Variants in RBFOX1 observed in about 807,000 individuals in gnomAD.
RBFOX1 encodes RNA binding protein fox-1 homolog 1.
A neutral mutation model predicts 57.7 loss-of-function variants in RBFOX1; 8 were observed. That is an observed-to-expected ratio of 0.14 (90% confidence interval 0.08 to 0.25). RBFOX1 has a LOEUF of 0.25. Among genes scored for constraint, RBFOX1 ranks in the 10% least tolerant of loss-of-function variants. The pLI, the probability that RBFOX1 is intolerant of heterozygous loss-of-function variation, is 1.00. For missense variants in RBFOX1, 611 were observed against 548.5 expected, an observed-to-expected ratio of 1.11 and a Z score of -1.14; for synonymous variants, 326 against 222.4, an observed-to-expected ratio of 1.47 and a Z score of -4.15.
chr16:6,675,978 G>A (rs943665436), intron 3 of RBFOX1, among the ~76,000 whole-genome samples: 2 of 152,084 alleles, frequency 1.3e-5, no homozygotes, highest in East Asian at 1.9e-4. Context: ...TCAGCTTTAC[G>A]TGGACACCAA....
At chr16:6,702,152 C>G (rs999457728) in intron 3 of RBFOX1, among the ~76,000 whole-genome samples, 6 of 152,172 alleles carry the variant, frequency 3.9e-5, no homozygotes, top group African/African-American at 9.7e-5. Context: ...AGGGACGGAA[C>G]CAAGCCGTTC....
intron 4 of RBFOX1, among the ~76,000 whole-genome samples, chr16:5,983,126 C>A (rs527743874): frequency 6.6e-6 from 1 of 152,314 alleles, no homozygotes; most frequent in East Asian, 1.9e-4. Context: ...CCAATTAACT[C>A]CCTGCATTCT....
intron 3 of RBFOX1, among the ~76,000 whole-genome samples, chr16:6,859,119 A>ATATATATATATATATATATATATATG (rs2058442693): frequency 2.4e-5 from 2 of 82,176 alleles, no homozygotes; most frequent in African/African-American, 8.6e-5. Context: ...GTGTATATAT[A>ATATATATATATATATATATATATATG]TATATATATA....
chr16:6,170,816 C>T (rs371738094), intron 1 of RBFOX1, among the ~76,000 whole-genome samples: 62 of 152,152 alleles, frequency 4.1e-4, no homozygotes, highest in African/African-American at 1.4e-3. Context: ...TCTTTAGTAC[C>T]GTTTATTAGT....
At chr16:5,566,307 G>A (rs2046064801) in intron 2 of RBFOX1, among the ~76,000 whole-genome samples, 3 of 152,022 alleles carry the variant, frequency 2.0e-5, no homozygotes, top group Admixed American at 2.0e-4. Context: ...GCACTGTAAC[G>A]GCATTCCACT....
chr16:6,807,619 C>A (rs1369071036), intron 3 of RBFOX1, among the ~76,000 whole-genome samples: 1 of 151,996 alleles, frequency 6.6e-6, no homozygotes, highest in Non-Finnish European at 1.5e-5. Flanking sequence ...AGATTGAGAC[C>A]AGCCTGGCGA....
chr16:6,727,701 A>C (rs574759545), intron 3 of RBFOX1, among the ~76,000 whole-genome samples: 1 of 152,122 alleles, frequency 6.6e-6, no homozygotes, highest in Non-Finnish European at 1.5e-5. Context: ...TCCCTGGTAC[A>C]CCTATCAAAT....
intron 3 of RBFOX1, among the ~76,000 whole-genome samples, chr16:6,679,451 T>C (rs1158658594): frequency 6.6e-6 from 1 of 152,156 alleles, no homozygotes; most frequent in African/African-American, 2.4e-5. Context: ...TTTCTTGGTC[T>C]CACTTTCCTT....
chr16:6,610,891 C>T (rs889894885), intron 2 of RBFOX1, among the ~76,000 whole-genome samples: 9 of 152,176 alleles, frequency 5.9e-5, no homozygotes, highest in African/African-American at 2.2e-4. Context: ...TTTGATATGC[C>T]TGTTCCACTG....
chr16:7,389,692 A>C (rs889976854), intron 4 of RBFOX1, among the ~76,000 whole-genome samples: 21 of 152,224 alleles, frequency 1.4e-4, no homozygotes, highest in Non-Finnish European at 2.5e-4. Flanking sequence ...TGGAGTTTAC[A>C]GTATGTACAA....
chr16:5,517,803 T>G (rs1020165078), intron 2 of RBFOX1, among the ~76,000 whole-genome samples: 1 of 152,182 alleles, frequency 6.6e-6, no homozygotes, highest in African/African-American at 2.4e-5. Context: ...GTGCTGGATA[T>G]ATGGTGTAGA....
chr16:7,554,635 C>T (rs1438168520), intron 5 of RBFOX1, among the ~76,000 whole-genome samples: 4 of 152,022 alleles, frequency 2.6e-5, no homozygotes, highest in African/African-American at 9.7e-5. Flanking sequence ...TAGTTGAGCA[C>T]TTTGAGCCTC....
chr16:7,424,038 A>C (rs1266394999), intron 4 of RBFOX1, among the ~76,000 whole-genome samples: 1 of 152,180 alleles, frequency 6.6e-6, no homozygotes, highest in Non-Finnish European at 1.5e-5. Context: ...TAACTTAAGC[A>C]CAAGGCAGCG....
intron 3 of RBFOX1, among the ~76,000 whole-genome samples, chr16:6,890,374 CT>C (rs1404550820): frequency 6.6e-6 from 1 of 152,114 alleles, no homozygotes; most frequent in Non-Finnish European, 1.5e-5. Context: ...CGAAAATTAG[CT>C]GGGCGTGGTG....
In RBFOX1 at chr16:7,177,879, T is replaced by C. The variant is rs115317304; in HGVS notation, c.27+125781T>C. On this transcript the variant is annotated intron_variant, in intron 4 of 15. Transcript: ENST00000550418. ...TTACAAAAGCAGACAGGATTTGGCC[T>C]GTGGGTTGTGGTTTACCAGCTTCTG... 2.4e-3 allele frequency among the ~76,000 whole-genome samples: 373 copies of C among 152,348 alleles called. 3 individuals are homozygous for C. Among genetic ancestry groups the C allele is most frequent in the Middle Eastern group, 0.02 (6 of 294 alleles).
rs548557464 is a variant in RBFOX1 at position 7,421,664 on chromosome 16, C to G, written c.28-96483C>G. Among the ~76,000 whole-genome samples the G allele has an allele frequency of 7.9e-5, 12 of 152,350 alleles. No individual in the cohort carries two copies. In the South Asian group the frequency reaches 2.3e-3, roughly 29 times the overall value. On this transcript the variant is annotated intron_variant, in intron 4 of 15. Transcript: ENST00000550418. ...AGACTGCAGGCTTACTCAGTGCTTACTGTCCCATTTCCACTGGCCTGGAGA... is the reference window on the plus strand; with the variant it reads ...AGACTGCAGGCTTACTCAGTGCTTAGTGTCCCATTTCCACTGGCCTGGAGA...
intron 1 of RBFOX1, among the ~76,000 whole-genome samples, chr16:6,066,502 G>C (rs912451641): frequency 6.6e-6 from 1 of 152,026 alleles, no homozygotes; most frequent in Non-Finnish European, 1.5e-5. Context: ...AATACATGCA[G>C]TAAGGTGGTT....
intron 3 of RBFOX1, among the ~76,000 whole-genome samples, chr16:5,729,628 C>G (rs1430378597): frequency 1.3e-5 from 2 of 152,090 alleles, no homozygotes; most frequent in Non-Finnish European, 2.9e-5. Flanking sequence ...TCACCTGTAT[C>G]TCTTCCACTA....
chr16:5,942,741 C>G (rs927654887), intron 4 of RBFOX1, among the ~76,000 whole-genome samples: 2 of 152,154 alleles, frequency 1.3e-5, no homozygotes, highest in Admixed American at 1.3e-4. Context: ...AGGTTAAAGA[C>G]AAGGTGGAGT....
Sources: allele counts gnomAD v4.1 joint callset (sites outside exome capture counted in the v4.1 genomes callset), GRCh38; gene constraint gnomAD v4.1.1; transcripts MANE v1.5; gene names NCBI Gene and HGNC (gene_info 2026-07-23, HGNC 2026-07-21).